Variants in FRMD4A observed in about 807,000 individuals in gnomAD.
FRMD4A encodes FERM domain-containing protein 4A.
Under a neutral mutation model 129.1 loss-of-function variants are expected in FRMD4A, and 29 were observed. The observed-to-expected ratio is 0.22, with a 90% CI of 0.17 to 0.31. The LOEUF is 0.31. Among genes scored for constraint, FRMD4A ranks in the 10% least tolerant of loss-of-function variants. The probability of loss-of-function intolerance (pLI) is 1.00; values close to 1 mark genes in which losing one functional copy is unlikely to be tolerated. For missense variants in FRMD4A, 1,272 were observed against 1,375.8 expected, an observed-to-expected ratio of 0.92 and a Z score of 1.19; for synonymous variants, 634 against 571.6, an observed-to-expected ratio of 1.11 and a Z score of -1.56.
At chr10:13,841,635 C>G (rs2093967451) in intron 3 of FRMD4A, among the ~76,000 whole-genome samples, 1 of 152,216 alleles carries the variant, frequency 6.6e-6, no homozygotes, top group African/African-American at 2.4e-5. Flanking sequence ...GAGAGTGTTG[C>G]ACTGTAACTC....
intron 2 of FRMD4A, among the ~76,000 whole-genome samples, chr10:14,227,781 TC>T (rs1407314582): frequency 6.6e-6 from 1 of 152,242 alleles, no homozygotes; most frequent in Non-Finnish European, 1.5e-5. Flanking sequence ...CAGAACAGGT[TC>T]CTGGCTCATA....
chr10:13,945,031 G>A (rs1414496960), intron 2 of FRMD4A, among the ~76,000 whole-genome samples: 3 of 152,088 alleles, frequency 2.0e-5, no homozygotes, highest in Non-Finnish European at 2.9e-5. Context: ...TCCAGTGATC[G>A]CCCCTCCGGT....
At chr10:13,707,982 A>G (rs2087640592) in intron 12 of FRMD4A, 1 of 683,864 alleles carries the variant, frequency 1.5e-6, no homozygotes, top group Admixed American at 6.3e-5. Flanking sequence ...TGAAAAAGAA[A>G]GTTACTTTAA....
intron 15 of FRMD4A, chr10:13,692,552 C>A (rs928369396): frequency 3.3e-5 from 5 of 152,254 alleles, no homozygotes; most frequent in Non-Finnish European, 7.3e-5. Flanking sequence ...AGGGCCTCAG[C>A]CTGTCCAAGG....
intron 2 of FRMD4A, among the ~76,000 whole-genome samples, chr10:13,946,023 G>A (rs1469008852): frequency 2.0e-5 from 3 of 152,176 alleles, no homozygotes; most frequent in South Asian, 2.1e-4. Flanking sequence ...GCACCAGCAC[G>A]TAGTTAGGGA....
At chr10:13,815,367 C>T (rs2093525023) in intron 3 of FRMD4A, among the ~76,000 whole-genome samples, 1 of 152,092 alleles carries the variant, frequency 6.6e-6, no homozygotes, top group South Asian at 2.1e-4. Context: ...TTCATAGAGA[C>T]AACAGAATAG....
intron 2 of FRMD4A, among the ~76,000 whole-genome samples, chr10:14,053,842 A>G (rs1834376328): frequency 6.6e-6 from 1 of 152,012 alleles, no homozygotes; most frequent in Admixed American, 6.6e-5. Context: ...TGGGCAACAT[A>G]GCAAGATCCC....
intron 2 of FRMD4A, among the ~76,000 whole-genome samples, chr10:13,996,987 C>CAAAACAAAACAA (rs1172583331): frequency 3.2e-4 from 1 of 3,118 alleles, no homozygotes; most frequent in Non-Finnish European, 4.8e-4. Flanking sequence ...AAAATTGAGG[C>CAAAACAAAACAA]AAAACAAAAC....
intron 2 of FRMD4A, among the ~76,000 whole-genome samples, chr10:14,094,892 T>C (rs1053370809): frequency 6.6e-6 from 1 of 152,148 alleles, no homozygotes; most frequent in African/African-American, 2.4e-5. Flanking sequence ...TGTATGTATA[T>C]CTATGCCTGT....
chr10:13,864,821 C>T (rs566251431), intron 2 of FRMD4A, among the ~76,000 whole-genome samples: 1 of 152,252 alleles, frequency 6.6e-6, no homozygotes, highest in South Asian at 2.1e-4. Context: ...AGGTGATCCA[C>T]CCGCCTTGGC....
At chr10:14,314,026 G>C (rs1846648263) in intron 2 of FRMD4A, among the ~76,000 whole-genome samples, 1 of 152,192 alleles carries the variant, frequency 6.6e-6, no homozygotes, top group Admixed American at 6.5e-5. Context: ...TTTACTACTG[G>C]ATATTAGACA....
At chr10:13,782,572 T>C (rs2092763916) in intron 6 of FRMD4A, among the ~76,000 whole-genome samples, 2 of 151,940 alleles carry the variant, frequency 1.3e-5, no homozygotes, top group Non-Finnish European at 2.9e-5. Flanking sequence ...CCCTCCCAAG[T>C]AGCTGGGACT....
intron 2 of FRMD4A, among the ~76,000 whole-genome samples, chr10:14,178,397 C>A (rs1028843395): frequency 6.6e-6 from 1 of 152,174 alleles, no homozygotes; most frequent in Non-Finnish European, 1.5e-5. Context: ...GTGTTAGACA[C>A]TTAAAAGCAC....
chr10:13,783,131 G>A (rs1588696046), intron 5 of FRMD4A, 125 bp from the exon 6 acceptor site: 1 of 649,388 alleles, frequency 1.5e-6, no homozygotes, highest in East Asian at 2.6e-5. Flanking sequence ...AAGGAAAAAG[G>A]CACCATCCAT....
chr10:14,328,593 G>C (rs1055425845), intron 2 of FRMD4A, among the ~76,000 whole-genome samples: 4 of 150,212 alleles, frequency 2.7e-5, no homozygotes, highest in Non-Finnish European at 4.4e-5. Flanking sequence ...ATTTATTTCT[G>C]TTAGTGTACT....
At chr10:14,048,280 ACCGGG>A (rs1834075226) in intron 2 of FRMD4A, among the ~76,000 whole-genome samples, 1 of 152,144 alleles carries the variant, frequency 6.6e-6, no homozygotes, top group Non-Finnish European at 1.5e-5. Context: ...ATGGATTTGG[ACCGGG>A]AAGCAGGAAC....
At chr10:13,672,869 T>C (rs1347765446) in intron 16 of FRMD4A, among the ~76,000 whole-genome samples, 2 of 152,236 alleles carry the variant, frequency 1.3e-5, no homozygotes, top group Admixed American at 1.3e-4. Context: ...GGACTAACTA[T>C]AGGGAATGAT....
In FRMD4A at chr10:14,273,801, T is replaced by C. The variant is rs574153486; in HGVS notation, c.45+56257A>G. On this transcript the variant is annotated intron_variant, in intron 2 of 24. Transcript: ENST00000357447. ...CTTTGGGTCCTTTGATAAAAATTGATGGATATTGAGAGCCAGGCTGTCTCA... is the reference window on the plus strand; with the variant it reads ...CTTTGGGTCCTTTGATAAAAATTGACGGATATTGAGAGCCAGGCTGTCTCA... 2.6e-5 allele frequency among the ~76,000 whole-genome samples: 4 copies of C among 152,264 alleles called. No individual in the cohort carries two copies. In the East Asian group the frequency reaches 5.8e-4, roughly 22 times the overall value.
chr10:14,279,161 T>C (rs1489110392), intron 2 of FRMD4A, among the ~76,000 whole-genome samples: 2 of 150,898 alleles, frequency 1.3e-5, no homozygotes, highest in African/African-American at 4.9e-5. Context: ...AAGTAAACTA[T>C]GCCCCTGAGG....
Sources: gnomAD v4.1 joint callset for allele counts (sites outside exome capture counted in the v4.1 genomes callset) on GRCh38, gnomAD v4.1.1 for gene constraint, MANE v1.5 for transcripts, NCBI Gene and HGNC (gene_info 2026-07-23, HGNC 2026-07-21) for gene names.